USH2A: variants seen among roughly 807,000 people sequenced by gnomAD.
USH2A encodes the protein Usher syndrome 2A (autosomal recessive, mild).
A neutral mutation model predicts 538.9 loss-of-function variants in USH2A; 443 were observed. The observed-to-expected ratio is 0.82, with a 90% confidence interval of 0.76 to 0.89. The LOEUF (loss-of-function observed/expected upper bound fraction) is 0.89. Among genes scored for constraint, USH2A ranks in the 40% least tolerant of loss-of-function variants. The pLI is 0.00. For synonymous variants in USH2A, 2,413 were observed against 2,273.5 expected (o/e 1.06, Z -1.75); for missense variants, 6,633 against 6,324.8 (o/e 1.05, Z -1.65).
At chr1:215,715,182 C>A (rs2102701671) in intron 61 of USH2A, among the ~76,000 whole-genome samples, 1 of 152,240 alleles carries the variant, frequency 6.6e-6, no homozygotes, top group East Asian at 1.9e-4. Flanking sequence ...TGTTCCCCTC[C>A]CTGTGTCCAT....
intron 21 of USH2A, among the ~76,000 whole-genome samples, chr1:216,123,478 T>G (rs1276537776): frequency 6.6e-6 from 1 of 152,198 alleles, no homozygotes; most frequent in African/African-American, 2.4e-5. Flanking sequence ...TTGCAATTGT[T>G]ATGCCTCTCC....
At chr1:216,044,785 T>C (rs2030442449) in intron 32 of USH2A, among the ~76,000 whole-genome samples, 1 of 152,164 alleles carries the variant, frequency 6.6e-6, no homozygotes, top group East Asian at 1.9e-4. Flanking sequence ...TGACCTTGGG[T>C]TACTTAATCC....
intron 61 of USH2A, among the ~76,000 whole-genome samples, chr1:215,709,813 CTAAACCTGTA>C (rs1424927069): frequency 2.0e-5 from 3 of 152,176 alleles, no homozygotes; most frequent in Admixed American, 1.3e-4. Context: ...CAAAATCATA[CTAAACCTGTA>C]TTGTGCACTG....
chr1:216,377,876 AAAGAAAGG>A (rs1254670692), intron 3 of USH2A, among the ~76,000 whole-genome samples: 5 of 149,708 alleles, frequency 3.3e-5, no homozygotes, highest in African/African-American at 1.2e-4. Flanking sequence ...AGAAGGAAAG[AAAGAAAGG>A]AAGGAAGGAA....
rs779438442 is a variant in USH2A, at chr1:215,628,952, C to A, written c.15381G>T (p.Pro5127=). The part of the protein sequence containing the change: ...SNRSACVLRI[P]SQNQTSLTYS... The stretch of plus-strand genomic sequence containing the variant: ...AGGTTAGGCTGGTTTGGTTTTGACT[C>A]GGGATGCGCAGGACACATGCACTCC... The change falls in exon 71 of 72, where the codon CCG becomes CCT. Residue 5127 remains proline (P), a synonymous_variant. Transcript: ENST00000307340. The A allele has an allele frequency of 3.1e-6, 5 of 1,614,096 alleles. No homozygotes were observed. In the South Asian group the frequency reaches 4.4e-5, roughly 14 times the overall value.
chr1:215,947,020 T>C (rs1411385), intron 37 of USH2A, among the ~76,000 whole-genome samples: 59,581 of 151,680 alleles, frequency 0.39, 12,182 homozygotes, highest in East Asian at 0.67. Flanking sequence ...TTTAGATAGA[T>C]TGTATTAAAT....
rs777363158 is a variant in USH2A at position 215,782,010 on chromosome 1, C to CT, written c.10740+31dup. 13 of 1,613,326 alleles carry CT rather than the reference C, an allele frequency of 8.1e-6. No homozygotes were observed. In the Middle Eastern group the frequency reaches 4.9e-4, roughly 61 times the overall value. ...TTCAGATAATCTTCACACTGAACCCCTTTTCCCAGAGTTTAGGCAAACTCC... is the reference window on the plus strand; with the variant it reads ...TTCAGATAATCTTCACACTGAACCCCTTTTTCCCAGAGTTTAGGCAAACTCC... On this transcript the variant is annotated intron_variant, in intron 54 of 71. Coordinates refer to ENST00000307340, the MANE Select transcript of USH2A (RefSeq NM_206933.4).
At chr1:215,716,452 C>A (rs933652123) in intron 61 of USH2A, among the ~76,000 whole-genome samples, 1 of 152,178 alleles carries the variant, frequency 6.6e-6, no homozygotes, top group Non-Finnish European at 1.5e-5. Context: ...CCTAAAAAAA[C>A]ACAGAACCAG....
chr1:215,932,803 T>C (rs182684195), intron 38 of USH2A, among the ~76,000 whole-genome samples: 48 of 152,156 alleles, frequency 3.2e-4, no homozygotes, highest in African/African-American at 1.2e-3. Context: ...AAGATGAAGA[T>C]AAGCCTCAGT....
At chr1:216,048,270 G>A (rs1159477490) in intron 31 of USH2A, among the ~76,000 whole-genome samples, 1 of 152,124 alleles carries the variant, frequency 6.6e-6, no homozygotes, top group African/African-American at 2.4e-5. Flanking sequence ...TTAATGACAA[G>A]GCTCTTGCAT....
intron 34 of USH2A, among the ~76,000 whole-genome samples, chr1:215,996,560 GTTTTTTTTTTTTTTTTTTTTTTT>G (rs753233925): frequency 3.9e-5 from 2 of 51,696 alleles, no homozygotes; most frequent in African/African-American, 1.9e-4. Context: ...AACATATTAT[GTTTTTTTTTTTTTTTTTTTTTTT>G]TTTTTTTTTT....
At chr1:216,301,605 A>C (rs1254502015) in intron 9 of USH2A, among the ~76,000 whole-genome samples, 2 of 152,162 alleles carry the variant, frequency 1.3e-5, no homozygotes, top group African/African-American at 4.8e-5. Flanking sequence ...TAGAAACCAA[A>C]AGATGTAGTT....
At chr1:216,098,715 A>C (rs2032506027) in intron 21 of USH2A, among the ~76,000 whole-genome samples, 1 of 152,246 alleles carries the variant, frequency 6.6e-6, no homozygotes, top group African/African-American at 2.4e-5. Flanking sequence ...TAAGCCCATA[A>C]CTGACATTGA....
chr1:216,394,720 C>CTTTTTTTTTTTTTTTTTTTTTT lies in USH2A; in HGVS notation c.651+23793_651+23794insAAAAAAAAAAAAAAAAAAAAAA, dbSNP rs780581599. ...CTTAAGGCCTAATAACTGGTCCAGT[C>CTTTTTTTTTTTTTTTTTTTTTT]TTTTTTTTTTTTTTTTGAGACAGAG... On this transcript the variant is annotated intron_variant, in intron 3 of 71. Coordinates refer to ENST00000307340, the MANE Select transcript of USH2A (RefSeq NM_206933.4). Among the ~76,000 whole-genome samples, 95 of 120,318 alleles carry CTTTTTTTTTTTTTTTTTTTTTT rather than the reference C, an allele frequency of 7.9e-4. 16 individuals carry two copies. The highest frequency in any genetic ancestry group is 1.2e-3 in the Non-Finnish European group (74 of 59,636). The allele number at this position is 120,318 out of a possible 152,430, so 78.9% of individuals were successfully genotyped here. A position where few individuals can be genotyped will look rare whatever the true frequency, so the allele number is the denominator to read the frequency against.
intron 11 of USH2A, among the ~76,000 whole-genome samples, chr1:216,261,052 A>G (rs1466984977): frequency 6.6e-6 from 1 of 152,184 alleles, no homozygotes; most frequent in African/African-American, 2.4e-5. Flanking sequence ...TCTCTACAGA[A>G]TAAAGCAGAT....
At chr1:216,286,196 T>G (rs2036880538) in intron 11 of USH2A, among the ~76,000 whole-genome samples, 1 of 152,160 alleles carries the variant, frequency 6.6e-6, no homozygotes, top group South Asian at 2.1e-4. Context: ...ATAATCCCCA[T>G]GTGTTGTGGG....
At chr1:215,670,859 C>T (rs1311567561) in intron 64 of USH2A, 113 bp downstream of exon 64, 2 of 1,078,304 alleles carry the variant, frequency 1.9e-6, no homozygotes, top group East Asian at 4.8e-5. Context: ...TTATTATTCT[C>T]CTTAAGTCCT....
intron 55 of USH2A, among the ~76,000 whole-genome samples, chr1:215,770,645 T>G (rs1379891677): frequency 1.3e-5 from 2 of 152,170 alleles, no homozygotes; most frequent in Non-Finnish European, 2.9e-5. Flanking sequence ...AAAAGTTTAT[T>G]GAGCATGTAC....
chr1:216,316,667 T>C (rs769387105), intron 9 of USH2A, among the ~76,000 whole-genome samples: 4 of 152,170 alleles, frequency 2.6e-5, no homozygotes, highest in Non-Finnish European at 5.9e-5. Context: ...TTTTAACTTT[T>C]AATAATCGCC....
Sources: allele counts gnomAD v4.1 joint callset (sites outside exome capture counted in the v4.1 genomes callset), GRCh38; gene constraint gnomAD v4.1.1; transcripts MANE v1.5; gene names NCBI Gene and HGNC (gene_info 2026-07-23, HGNC 2026-07-21).